Variants in LEPR observed in about 807,000 individuals in gnomAD.
The protein encoded by LEPR is leptin receptor.
Under a neutral mutation model 114.7 loss-of-function variants are expected in LEPR, and 56 were observed. That is an observed-to-expected ratio of 0.49 (90% CI 0.39 to 0.61). LEPR has a LOEUF of 0.61. Ranked by LOEUF, LEPR falls within the 20% of genes least tolerant of loss-of-function variation. The probability of loss-of-function intolerance (pLI) is 0.00; values close to 1 mark genes in which losing one functional copy is unlikely to be tolerated. For missense variants in LEPR, 1,202 were observed against 1,352.9 expected (o/e 0.89, Z 1.75); for synonymous variants, 443 against 461.4 (o/e 0.96, Z 0.51).
intron 2 of LEPR, among the ~76,000 whole-genome samples, chr1:65,500,741 A>G (rs1458897438): frequency 2.0e-5 from 3 of 152,180 alleles, no homozygotes; most frequent in Admixed American, 6.6e-5. Flanking sequence ...GTAATTAGTA[A>G]TTAAGTGCTT....
intron 1 of LEPR, among the ~76,000 whole-genome samples, chr1:65,424,219 A>G (rs573335125): frequency 6.6e-6 from 1 of 152,374 alleles, no homozygotes; most frequent in South Asian, 2.1e-4. Flanking sequence ...CAGGGAATAC[A>G]TATTTTATTC....
chr1:65,563,962 TCAGA>T (rs1360744782), intron 2 of LEPR, among the ~76,000 whole-genome samples: 9 of 143,014 alleles, frequency 6.3e-5, no homozygotes, highest in African/African-American at 2.3e-4. Flanking sequence ...TTCAAAGCTG[TCAGA>T]CAGGGACATT....
intron 2 of LEPR, among the ~76,000 whole-genome samples, chr1:65,529,861 C>CT (rs796706244): frequency 6.6e-4 from 101 of 152,256 alleles, no homozygotes; most frequent in African/African-American, 2.4e-3. Flanking sequence ...CTGGCTGCTC[C>CT]TTTCTGTCTC....
At chr1:65,520,904 C>G (rs1344109948) in intron 2 of LEPR, among the ~76,000 whole-genome samples, 1 of 152,218 alleles carries the variant, frequency 6.6e-6, no homozygotes, top group African/African-American at 2.4e-5. Flanking sequence ...TTAAGAACGC[C>G]TTTAAGTGGT....
chr1:65,436,609 A>G (rs1646566215), intron 2 of LEPR, among the ~76,000 whole-genome samples: 1 of 152,220 alleles, frequency 6.6e-6, no homozygotes, highest in African/African-American at 2.4e-5. Flanking sequence ...ATAGATGACC[A>G]TTTTGAAACA....
intron 11 of LEPR, among the ~76,000 whole-genome samples, chr1:65,606,687 C>T (rs1304715904): frequency 6.6e-6 from 1 of 152,066 alleles, no homozygotes; most frequent in Non-Finnish European, 1.5e-5. Flanking sequence ...TCATATGATT[C>T]AGTTAATTGC....
At chr1:65,503,835 T>A (rs1320830766) in intron 2 of LEPR, among the ~76,000 whole-genome samples, 1 of 147,288 alleles carries the variant, frequency 6.8e-6, no homozygotes, top group East Asian at 2.0e-4. Flanking sequence ...ACACACACAT[T>A]TTGCTCTGTC....
chr1:65,431,482 C>G lies in LEPR; in HGVS notation c.-21+6104C>G, dbSNP rs184576921. Among the ~76,000 whole-genome samples, 23 of 152,342 alleles carry G rather than the reference C, an allele frequency of 1.5e-4. No individual in the cohort carries two copies. In the East Asian group the frequency reaches 4.4e-3, roughly 29 times the overall value. On this transcript the variant is annotated intron_variant, in intron 2 of 19. Coordinates refer to ENST00000349533, the MANE Select transcript of LEPR (RefSeq NM_002303.6). ...AAGAAGTTGATGTGTGCAGAACTTT[C>G]AGTACCCAATATTGTAATTGCACTA...
intron 2 of LEPR, chr1:65,430,078 A>T: frequency 6.6e-7 from 1 of 1,519,462 alleles, no homozygotes; most frequent in African/African-American, 1.4e-5. Flanking sequence ...GTTTTGCCCA[A>T]CCGTTGCTGA....
intron 2 of LEPR, among the ~76,000 whole-genome samples, chr1:65,504,279 C>T (rs754957658): frequency 2.7e-4 from 41 of 152,142 alleles, no homozygotes; most frequent in Non-Finnish European, 2.4e-4. Flanking sequence ...GGAGGTAGAA[C>T]ATAACTCCTA....
At chr1:65,512,944 G>A (rs986801960) in intron 2 of LEPR, among the ~76,000 whole-genome samples, 5 of 152,070 alleles carry the variant, frequency 3.3e-5, no homozygotes, top group African/African-American at 7.2e-5. Flanking sequence ...TCTTATATGC[G>A]GCAGAGAACC....
chr1:65,624,387 C>T (rs1053965536), intron 19 of LEPR, among the ~76,000 whole-genome samples: 43 of 152,116 alleles, frequency 2.8e-4, no homozygotes, highest in African/African-American at 8.9e-4. Context: ...CATAGTGGTT[C>T]GGTAACTTGT....
At chr1:65,523,437 A>G (rs1172199540) in intron 2 of LEPR, among the ~76,000 whole-genome samples, 4 of 151,946 alleles carry the variant, frequency 2.6e-5, no homozygotes, top group African/African-American at 9.7e-5. Flanking sequence ...CAGGCCCCCA[A>G]GTAGCTGAGA....
chr1:65,435,709 C>T (rs1646552966), intron 2 of LEPR: 4 of 985,146 alleles, frequency 4.1e-6, no homozygotes, highest in Non-Finnish European at 4.8e-6. Flanking sequence ...ATTTTGTATC[C>T]CAATAGAACC....
At chr1:65,511,550 A>G (rs571020181) in intron 2 of LEPR, among the ~76,000 whole-genome samples, 102 of 152,322 alleles carry the variant, frequency 6.7e-4, no homozygotes, top group African/African-American at 2.4e-3. Context: ...TGTATTCACA[A>G]AACATTTTTT....
intron 2 of LEPR, among the ~76,000 whole-genome samples, chr1:65,528,776 T>C (rs1166709697): frequency 1.3e-5 from 2 of 152,156 alleles, no homozygotes; most frequent in African/African-American, 4.8e-5. Flanking sequence ...ATCACAAATC[T>C]AATTTACCTT....
intron 3 of LEPR, among the ~76,000 whole-genome samples, chr1:65,566,025 G>A (rs905465472): frequency 4.6e-5 from 7 of 151,926 alleles, no homozygotes; most frequent in African/African-American, 9.7e-5. Context: ...AGTATTTACC[G>A]GGATACTTAT....
intron 2 of LEPR, among the ~76,000 whole-genome samples, chr1:65,488,226 C>CTCTTTCTTTCTTTCTTTCTTTCTT (rs71577203): frequency 3.1e-4 from 21 of 67,962 alleles, no homozygotes; most frequent in South Asian, 5.7e-4. Flanking sequence ...CTCTCTCTCT[C>CTCTTTCTTTCTTTCTTTCTTTCTT]TCTTTCTTTC....
intron 14 of LEPR, among the ~76,000 whole-genome samples, chr1:65,613,833 A>G (rs1327569604): frequency 1.3e-5 from 2 of 151,782 alleles, no homozygotes; most frequent in Admixed American, 6.6e-5. Flanking sequence ...GATGACAAAT[A>G]TGAATATTAA....
Sources: gnomAD v4.1 joint callset for allele counts (sites outside exome capture counted in the v4.1 genomes callset) on GRCh38, gnomAD v4.1.1 for gene constraint, MANE v1.5 for transcripts, NCBI Gene and HGNC (gene_info 2026-07-23, HGNC 2026-07-21) for gene names.